CMSS1: variants seen among roughly 807,000 people sequenced by gnomAD.
The protein encoded by CMSS1 is protein CMSS1.
A neutral mutation model predicts 43.5 loss-of-function variants in CMSS1; 33 were observed. The ratio of observed to expected loss-of-function variants is 0.76; its 90% CI spans 0.57 to 1.01. The LOEUF (loss-of-function observed/expected upper bound fraction) is 1.01, where lower values mean the gene tolerates loss of function less well. CMSS1 is among the 50% of genes least tolerant of loss of function. The probability of loss-of-function intolerance (pLI) is 0.00; values close to 1 mark genes in which losing one functional copy is unlikely to be tolerated. For synonymous variants in CMSS1, 115 were observed against 117.2 expected (o/e 0.98, Z 0.12); for missense variants, 313 against 326.4 (o/e 0.96, Z 0.32).
rs149735531 is a variant in CMSS1, at chr3:99,879,902, A to G, written c.64+61859A>G. Among the ~76,000 whole-genome samples the G allele has an allele frequency of 2.4e-3, 358 of 152,296 alleles. 1 individual carries two copies. Among genetic ancestry groups the G allele is most frequent in the African/African-American group, 7.4e-3 (309 of 41,566 alleles). ...ATTGCATAGGGAGAGGTATAGTTCC[A>G]TGGTCCTGCATTGCTTCAGACTACA... On this transcript the variant is annotated intron_variant, in intron 1 of 9. Coordinates refer to ENST00000421999, the MANE Select transcript of CMSS1 (RefSeq NM_032359.4).
chr3:99,846,406 T>C (rs556985181), intron 1 of CMSS1, among the ~76,000 whole-genome samples: 1 of 152,334 alleles, frequency 6.6e-6, no homozygotes, highest in South Asian at 2.1e-4. Context: ...TAGAAAAAGA[T>C]CTCATGAAGC....
At chr3:100,064,045 C>T (rs1222195157) in intron 1 of CMSS1, among the ~76,000 whole-genome samples, 1 of 152,196 alleles carries the variant, frequency 6.6e-6, no homozygotes. Flanking sequence ...CCTCTAGAAG[C>T]AGGTGGAAGA....
At chr3:99,967,783 T>C in intron 1 of CMSS1, among the ~76,000 whole-genome samples, 1 of 152,220 alleles carries the variant, frequency 6.6e-6, no homozygotes, top group East Asian at 1.9e-4. Context: ...TTATTTCACC[T>C]CAATTCAACC....
At chr3:99,961,527 C>A (rs1708490302) in intron 1 of CMSS1, among the ~76,000 whole-genome samples, 1 of 152,104 alleles carries the variant, frequency 6.6e-6, no homozygotes, top group African/African-American at 2.4e-5. Flanking sequence ...CATGTGTGAA[C>A]CCATCCAGTG....
intron 1 of CMSS1, among the ~76,000 whole-genome samples, chr3:100,048,585 A>G (rs2065315937): frequency 6.6e-6 from 1 of 152,146 alleles, no homozygotes; most frequent in African/African-American, 2.4e-5. Flanking sequence ...TGAGCATGGT[A>G]ATTGAGGTGC....
At chr3:99,829,694 T>C (rs754199492) in intron 1 of CMSS1, among the ~76,000 whole-genome samples, 3 of 152,220 alleles carry the variant, frequency 2.0e-5, no homozygotes, top group Non-Finnish European at 4.4e-5. Flanking sequence ...AACAATGTCC[T>C]GTGAGATGAT....
chr3:100,131,189 G>A lies in CMSS1; in HGVS notation c.65-15784G>A, dbSNP rs143964220. Among the ~76,000 whole-genome samples, 13 of 152,232 alleles carry A rather than the reference G, an allele frequency of 8.5e-5. No homozygotes were observed. In the East Asian group the frequency reaches 2.1e-3, roughly 25 times the overall value. ...GTTTTATAGATGAGGAAACTAAGGC[G>A]CAAAAAGAGCAAGTAACTTTTCCAA... On this transcript the variant is annotated intron_variant, in intron 1 of 9. Transcript: ENST00000421999.
At chr3:100,035,911 T>C (rs62283557) in intron 1 of CMSS1, among the ~76,000 whole-genome samples, 29 of 152,184 alleles carry the variant, frequency 1.9e-4, no homozygotes, top group Non-Finnish European at 4.0e-4. Context: ...TATTATGTGA[T>C]TTGAACTTTG....
At chr3:100,146,885 GA>G in intron 1 of CMSS1, 87 bp from the exon 2 acceptor site, 1 of 1,498,772 alleles carries the variant, frequency 6.7e-7, no homozygotes, top group Non-Finnish European at 9.0e-7. Flanking sequence ...AAAGTGAAGA[GA>G]TAGAACCTTC....
At chr3:100,142,355 C>A (rs1432287300) in intron 1 of CMSS1, among the ~76,000 whole-genome samples, 2 of 152,014 alleles carry the variant, frequency 1.3e-5, no homozygotes, top group Non-Finnish European at 2.9e-5. Flanking sequence ...TGTCATTATT[C>A]CATAAACAAT....
chr3:100,008,853 A>T (rs1300068166), intron 1 of CMSS1, among the ~76,000 whole-genome samples: 1 of 152,220 alleles, frequency 6.6e-6, no homozygotes, highest in Non-Finnish European at 1.5e-5. Flanking sequence ...AGATGCAGCA[A>T]AGTGATTTTA....
At chr3:100,074,928 A>C (rs1325165800) in intron 1 of CMSS1, among the ~76,000 whole-genome samples, 1 of 151,924 alleles carries the variant, frequency 6.6e-6, no homozygotes, top group Non-Finnish European at 1.5e-5. Context: ...TCCTGACCTC[A>C]AGTGATCCAC....
At chr3:100,109,367 C>A (rs2066449647) in intron 1 of CMSS1, among the ~76,000 whole-genome samples, 1 of 152,092 alleles carries the variant, frequency 6.6e-6, no homozygotes, top group South Asian at 2.1e-4. Flanking sequence ...TCTTATATAA[C>A]GTACAATTCT....
chr3:99,841,834 A>G (rs2107506705), intron 1 of CMSS1, among the ~76,000 whole-genome samples: 1 of 152,316 alleles, frequency 6.6e-6, no homozygotes, highest in South Asian at 2.1e-4. Flanking sequence ...TTAAAAAATA[A>G]TAGATGTTGG....
At chr3:100,126,534 T>G (rs2066663259) in intron 1 of CMSS1, among the ~76,000 whole-genome samples, 3 of 152,228 alleles carry the variant, frequency 2.0e-5, no homozygotes, top group African/African-American at 7.2e-5. Flanking sequence ...CCATTATATC[T>G]TTATCATAAG....
intron 1 of CMSS1, among the ~76,000 whole-genome samples, chr3:99,961,003 C>T (rs1399334248): frequency 6.6e-6 from 1 of 152,006 alleles, no homozygotes; most frequent in Non-Finnish European, 1.5e-5. Flanking sequence ...GTGTGCAGAT[C>T]GCAGGTTTTA....
intron 2 of CMSS1, among the ~76,000 whole-genome samples, chr3:100,158,448 G>A (rs756029797): frequency 1.2e-4 from 19 of 152,146 alleles, no homozygotes; most frequent in Non-Finnish European, 1.9e-4. Context: ...CTCCCTGAGG[G>A]TAAACAGCAA....
At chr3:100,002,294 C>G (rs1245606275) in intron 1 of CMSS1, among the ~76,000 whole-genome samples, 1 of 152,108 alleles carries the variant, frequency 6.6e-6, no homozygotes, top group African/African-American at 2.4e-5. Context: ...ATTTTTTGTA[C>G]CTTCAAAACT....
intron 1 of CMSS1, among the ~76,000 whole-genome samples, chr3:100,022,399 C>T (rs1011708083): frequency 3.3e-5 from 5 of 152,288 alleles, no homozygotes; most frequent in Non-Finnish European, 7.3e-5. Context: ...ATGCTTGTTA[C>T]GGCACAACTC....
Sources: allele counts gnomAD v4.1 joint callset (sites outside exome capture counted in the v4.1 genomes callset), GRCh38; gene constraint gnomAD v4.1.1; transcripts MANE v1.5; gene names NCBI Gene and HGNC (gene_info 2026-07-23, HGNC 2026-07-21).